Variants in KLHL32 observed in about 807,000 individuals in gnomAD.
The protein encoded by KLHL32 is kelch-like protein 32.
A neutral mutation model predicts 64.8 loss-of-function variants in KLHL32; 35 were observed. The ratio of observed to expected loss-of-function variants is 0.54; its 90% CI spans 0.41 to 0.72. KLHL32 has a LOEUF of 0.72. Among genes scored for constraint, KLHL32 ranks in the 30% least tolerant of loss-of-function variants. The probability of loss-of-function intolerance (pLI) is 0.00; values close to 1 mark genes in which losing one functional copy is unlikely to be tolerated. For missense variants in KLHL32, 589 were observed against 768.5 expected (o/e 0.77, Z 2.76); for synonymous variants, 259 against 281.0 (o/e 0.92, Z 0.78).
upstream of KLHL32, among the ~76,000 whole-genome samples, chr6:96,924,463 G>A (rs1271601817): frequency 6.9e-6 from 1 of 145,716 alleles, no homozygotes; most frequent in Non-Finnish European, 1.5e-5. Context: ...GCAGCTCGCC[G>A]ACGGCGGGGG....
chr6:96,932,566 C>CA (rs1378825198), intron 1 of KLHL32, among the ~76,000 whole-genome samples: 4 of 63,548 alleles, frequency 6.3e-5, no homozygotes, highest in African/African-American at 1.0e-4. Flanking sequence ...TGTCAATTTC[C>CA]CCCCCCCCCT....
At chr6:96,911,149 G>C in the KLHL32 span, among the ~76,000 whole-genome samples, 2 of 152,152 alleles carry the variant, frequency 1.3e-5, no homozygotes, top group African/African-American at 4.8e-5. Context: ...TCATAGTTCT[G>C]GAGGCTGGGA....
intron 5 of KLHL32, among the ~76,000 whole-genome samples, chr6:97,078,337 C>G (rs1791927438): frequency 6.6e-6 from 1 of 152,132 alleles, no homozygotes; most frequent in South Asian, 2.1e-4. Context: ...TCCTGCCTAT[C>G]TTTATCTATA....
intron 1 of KLHL32, among the ~76,000 whole-genome samples, chr6:96,945,035 TATGAG>T (rs1203695040): frequency 1.3e-5 from 2 of 152,246 alleles, no homozygotes; most frequent in Non-Finnish European, 2.9e-5. Context: ...TTCTGCCATT[TATGAG>T]ATAATTCCAA....
chr6:96,944,827 G>C (rs752507667), intron 1 of KLHL32, among the ~76,000 whole-genome samples: 1 of 152,160 alleles, frequency 6.6e-6, no homozygotes, highest in Non-Finnish European at 1.5e-5. Flanking sequence ...AAGAAATACT[G>C]TCTTCTTTGG....
chr6:96,978,660 A>T (rs1412004189), intron 3 of KLHL32, among the ~76,000 whole-genome samples: 1 of 152,222 alleles, frequency 6.6e-6, no homozygotes, highest in Non-Finnish European at 1.5e-5. Flanking sequence ...GTCTATACCC[A>T]GTAATGGGAT....
intron 1 of KLHL32, among the ~76,000 whole-genome samples, chr6:96,944,048 A>AT (rs1482508647): frequency 6.6e-6 from 1 of 152,156 alleles, no homozygotes; most frequent in Non-Finnish European, 1.5e-5. Flanking sequence ...ACCAGCATTA[A>AT]TTTGACCCCC....
intron 4 of KLHL32, among the ~76,000 whole-genome samples, chr6:97,051,331 A>T (rs938988408): frequency 6.6e-6 from 1 of 152,278 alleles, no homozygotes; most frequent in Admixed American, 6.5e-5. Flanking sequence ...CATTGCCAGT[A>T]TTGGGAATAG....
chr6:97,114,620 A>T (rs567744143), intron 7 of KLHL32, 111 bp downstream of exon 7: 71 of 1,301,352 alleles, frequency 5.5e-5, no homozygotes, highest in Non-Finnish European at 7.5e-5. Context: ...TGAACCAAGC[A>T]TGCCATTTTA....
At chr6:97,000,794 C>T (rs1300718450) in intron 3 of KLHL32, among the ~76,000 whole-genome samples, 1 of 151,990 alleles carries the variant, frequency 6.6e-6, no homozygotes, top group East Asian at 1.9e-4. Flanking sequence ...AGATGTTACT[C>T]AGTAGGTGAA....
chr6:97,010,904 A>T (rs1780322855), intron 3 of KLHL32, among the ~76,000 whole-genome samples: 1 of 152,206 alleles, frequency 6.6e-6, no homozygotes, highest in Non-Finnish European at 1.5e-5. Flanking sequence ...TACCAAGTTT[A>T]CTATTCTTTA....
At chr6:97,058,590 A>T (rs1196367524) in intron 4 of KLHL32, among the ~76,000 whole-genome samples, 2 of 152,250 alleles carry the variant, frequency 1.3e-5, no homozygotes, top group Non-Finnish European at 2.9e-5. Flanking sequence ...TTTTACAGCT[A>T]TGTGTAGCCA....
At chr6:97,003,553 T>G (rs565355985) in intron 3 of KLHL32, among the ~76,000 whole-genome samples, 2 of 152,344 alleles carry the variant, frequency 1.3e-5, no homozygotes, top group African/African-American at 4.8e-5. Flanking sequence ...ATCTTTGTCA[T>G]GAAATGTCTG....
intron 3 of KLHL32, among the ~76,000 whole-genome samples, chr6:97,035,944 C>G (rs1300584702): frequency 6.6e-6 from 1 of 152,040 alleles, no homozygotes; most frequent in Non-Finnish European, 1.5e-5. Context: ...TTTCTCTTCT[C>G]TTTATTAAGC....
chr6:96,912,811 T>C, the KLHL32 span, among the ~76,000 whole-genome samples: 6 of 152,232 alleles, frequency 3.9e-5, no homozygotes, highest in East Asian at 1.2e-3. Context: ...CCTAACTACT[T>C]CCATGATCCA....
chr6:96,916,124 TAG>T, the KLHL32 span, among the ~76,000 whole-genome samples: 2 of 151,566 alleles, frequency 1.3e-5, no homozygotes, highest in Admixed American at 1.3e-4. Context: ...GACAAAAAAG[TAG>T]AGAGACATAC....
chr6:96,943,224 T>TA (rs1286768473), intron 1 of KLHL32, among the ~76,000 whole-genome samples: 1 of 152,088 alleles, frequency 6.6e-6, no homozygotes, highest in Non-Finnish European at 1.5e-5. Context: ...GGTAAAGGAC[T>TA]GTGATAGGGC....
chr6:97,004,035 A>G (rs1119220), intron 3 of KLHL32, among the ~76,000 whole-genome samples: 37,304 of 152,146 alleles, frequency 0.25, 5,909 homozygotes, highest in East Asian at 0.53. Context: ...TGGTTGTTTT[A>G]TAGGAATAGC....
chr6:96,980,556 G>T (rs569462506), intron 3 of KLHL32, among the ~76,000 whole-genome samples: 1 of 152,038 alleles, frequency 6.6e-6, no homozygotes, highest in African/African-American at 2.4e-5. Context: ...TTCTGGATTT[G>T]ATTTGCTAGT....
Sources: allele counts gnomAD v4.1 joint callset (sites outside exome capture counted in the v4.1 genomes callset), GRCh38; gene constraint gnomAD v4.1.1; transcripts MANE v1.5; gene names NCBI Gene and HGNC (gene_info 2026-07-23, HGNC 2026-07-21).